The following CDH20 variants were observed in gnomAD, a reference collection of about 807,000 sequenced individuals.
CDH20 encodes the protein cadherin 20, also known as cadherin-20.
Under a neutral mutation model 74.2 loss-of-function variants are expected in CDH20, and 29 were observed. The ratio of observed to expected loss-of-function variants is 0.39; its 90% CI spans 0.29 to 0.53. The LOEUF is 0.53. Among genes scored for constraint, CDH20 ranks in the 20% least tolerant of loss-of-function variants. The pLI, the probability that CDH20 is intolerant of heterozygous loss-of-function variation, is 0.69. For missense variants in CDH20, 988 were observed against 1,048.3 expected, an observed-to-expected ratio of 0.94 and a Z score of 0.79; for synonymous variants, 469 against 405.4, an observed-to-expected ratio of 1.16 and a Z score of -1.88.
chr18:61,418,006 C>A lies in CDH20; in HGVS notation c.-152-72396C>A, dbSNP rs181157919. ...TGTCCTGATTTTCTTAAAAATATGT[C>A]AAATTGACTTGAAATAATCATAATA... On this transcript the variant is annotated intron_variant, in intron 1 of 11. Coordinates refer to ENST00000262717, the MANE Select transcript of CDH20 (RefSeq NM_031891.4). 2.6e-5 allele frequency among the ~76,000 whole-genome samples: 4 copies of A among 152,062 alleles called. No individual in the cohort carries two copies. In the East Asian group the frequency reaches 7.7e-4, roughly 29 times the overall value.
chr18:61,552,531 T>C lies in CDH20; in HGVS notation c.1901-1659T>C, dbSNP rs563459357. 2.0e-5 allele frequency among the ~76,000 whole-genome samples: 3 copies of C among 152,324 alleles called. No individual in the cohort carries two copies. In the East Asian group the frequency reaches 5.8e-4, roughly 29 times the overall value. On this transcript the variant is annotated intron_variant, in intron 11 of 11. Transcript: ENST00000262717. ...TCAAAAGACTTCCAATTTTGCTTCC[T>C]AGCGTTATCCAAAATACCGCCCCTA...
chr18:61,554,195 G>C lies in CDH20; in HGVS notation c.1906G>C (p.Val636Leu), dbSNP rs1358140746. ...CTCCTTTTTGTTCCTGGCAGTGCTG[G>C]TGTTGCTCATTTTGTCCATGAGGCG... is the stretch of plus-strand genomic sequence containing the variant. The part of the protein sequence containing the change: ...LACIFVLLVL[V>L]LLILSMRRHR... Residue 636 changes from valine to leucine, a missense_variant, in exon 12 of 12, where the codon GTG becomes CTG. By Grantham distance (32) the Val-to-Leu change is conservative. Transcript: ENST00000262717. The C allele has an allele frequency of 6.2e-7, 1 of 1,609,344 alleles. No individual in the cohort carries two copies. Among genetic ancestry groups the C allele is most frequent in the Non-Finnish European group, 8.5e-7 (1 of 1,176,360 alleles).
intron 1 of CDH20, among the ~76,000 whole-genome samples, chr18:61,446,630 G>C (rs766481510): frequency 6.6e-6 from 1 of 151,952 alleles, no homozygotes; most frequent in African/African-American, 2.4e-5. Context: ...AGATTAGGAG[G>C]TTCTTCTAAT....
In CDH20 at chr18:61,507,565, T is replaced by A; in HGVS notation, c.1017+5T>A. On this transcript the variant is annotated splice_donor_5th_base_variant and intron_variant, in intron 6 of 11. Transcript: ENST00000262717. ...GGTATCATAACTGTGAAGAAGGTAA[T>A]CCAACTCCTTTTTCTAAACCACTTT... 1 of 1,595,070 alleles carries A rather than the reference T, an allele frequency of 6.3e-7. No individual in the cohort carries two copies. The highest frequency in any genetic ancestry group is 8.6e-7 in the Non-Finnish European group (1 of 1,169,460).
chr18:61,498,137 C>T (rs1420519181), intron 2 of CDH20, among the ~76,000 whole-genome samples: 1 of 152,148 alleles, frequency 6.6e-6, no homozygotes, highest in African/African-American at 2.4e-5. Context: ...TGGTGACTCA[C>T]ACCTATAATC....
intron 1 of CDH20, among the ~76,000 whole-genome samples, chr18:61,378,960 T>C (rs1393001002): frequency 6.6e-6 from 1 of 152,070 alleles, no homozygotes; most frequent in African/African-American, 2.4e-5. Context: ...ATAAATTAAA[T>C]GGTGGCCTTT....
intron 1 of CDH20, among the ~76,000 whole-genome samples, chr18:61,339,197 C>T (rs757937503): frequency 9.2e-5 from 14 of 151,628 alleles, no homozygotes; most frequent in Non-Finnish European, 1.8e-4. Context: ...CTTAAATGTG[C>T]GTATGCATAT....
rs1007184086 is a variant in CDH20, at chr18:61,555,407, G to A, written c.*712G>A. 88 of 985,326 alleles carry A rather than the reference G, an allele frequency of 8.9e-5. No individual in the cohort carries two copies. Among genetic ancestry groups the A allele is most frequent in the Non-Finnish European group, 1.0e-4 (85 of 829,960 alleles). 61.0% of individuals were successfully genotyped at this position (985,326 alleles called of 1,614,324 possible). ...GTTAGAGTGCTCGTGTCTCCTCTCA[G>A]CTATTTAACTGTGCCCCTGCAAAAT... is the stretch of plus-strand genomic sequence containing the variant. On this transcript the variant is annotated 3_prime_UTR_variant, in exon 12 of 12. Coordinates refer to ENST00000262717, the MANE Select transcript of CDH20 (RefSeq NM_031891.4).
At chr18:61,507,673 G>T in intron 6 of CDH20, 113 bp downstream of exon 6, 1 of 654,282 alleles carries the variant, frequency 1.5e-6, no homozygotes, top group African/African-American at 1.9e-5. Context: ...TCTGATAAAA[G>T]TGCTTTCCTA....
intron 1 of CDH20, among the ~76,000 whole-genome samples, chr18:61,428,839 T>C (rs7240300): frequency 0.99 from 150,829 of 152,358 alleles, 74,669 homozygotes; most frequent in Middle Eastern, 1. Context: ...AAAACAGGCC[T>C]ATAAGGGGCC....
At chr18:61,525,723 T>C (rs1912373529) in intron 6 of CDH20, among the ~76,000 whole-genome samples, 1 of 152,128 alleles carries the variant, frequency 6.6e-6, no homozygotes, top group Non-Finnish European at 1.5e-5. Flanking sequence ...AAAAAAAACT[T>C]TATTAAAATT....
chr18:61,485,738 T>TA (rs911094170), intron 1 of CDH20, among the ~76,000 whole-genome samples: 1 of 152,150 alleles, frequency 6.6e-6, no homozygotes, highest in African/African-American at 2.4e-5. Flanking sequence ...GTCATAGTGC[T>TA]ATTCCACCTC....
intron 1 of CDH20, among the ~76,000 whole-genome samples, chr18:61,355,645 C>T (rs577969215): frequency 7.2e-5 from 11 of 152,216 alleles, no homozygotes; most frequent in Middle Eastern, 3.4e-3. Flanking sequence ...CCATAAAACA[C>T]GGGCTCTGAT....
At chr18:61,493,770 C>G (rs920782854) in intron 2 of CDH20, among the ~76,000 whole-genome samples, 1 of 152,208 alleles carries the variant, frequency 6.6e-6, no homozygotes, top group Non-Finnish European at 1.5e-5. Flanking sequence ...AACATTTCTT[C>G]CAAATAGACA....
chr18:61,509,787 A>T (rs1206504070), intron 6 of CDH20, among the ~76,000 whole-genome samples: 1 of 152,126 alleles, frequency 6.6e-6, no homozygotes, highest in East Asian at 1.9e-4. Flanking sequence ...CAGGTAAGAG[A>T]TGATGAGGGT....
chr18:61,345,619 G>A (rs182683793), intron 1 of CDH20, among the ~76,000 whole-genome samples: 50 of 152,278 alleles, frequency 3.3e-4, no homozygotes, highest in African/African-American at 1.2e-3. Flanking sequence ...ATGGAGATTA[G>A]CACATCGATG....
rs570782274 is a variant in CDH20 at position 61,408,121 on chromosome 18, C to T, written c.-153+74294C>T. 2.0e-5 allele frequency among the ~76,000 whole-genome samples: 3 copies of T among 151,388 alleles called. No homozygotes were observed. In the East Asian group the frequency reaches 5.8e-4, roughly 29 times the overall value. The stretch of plus-strand genomic sequence containing the variant: ...TTTAAAAGCGAAAGAGCTTTAAAAG[C>T]ATTTTAAAATATCATTTATGATACT... On this transcript the variant is annotated intron_variant, in intron 1 of 11. Coordinates refer to ENST00000262717, the MANE Select transcript of CDH20 (RefSeq NM_031891.4).
At chr18:61,446,361 T>C (rs1909204552) in intron 1 of CDH20, among the ~76,000 whole-genome samples, 1 of 152,106 alleles carries the variant, frequency 6.6e-6, no homozygotes, top group African/African-American at 2.4e-5. Flanking sequence ...GAGCTCTCCT[T>C]CTTTAACTGT....
chr18:61,348,955 T>A (rs1910220624), intron 1 of CDH20, among the ~76,000 whole-genome samples: 1 of 152,226 alleles, frequency 6.6e-6, no homozygotes, highest in African/African-American at 2.4e-5. Flanking sequence ...TAGCTAGATT[T>A]TGTTTTTACT....
Sources: gnomAD v4.1 joint callset for allele counts (sites outside exome capture counted in the v4.1 genomes callset) on GRCh38, gnomAD v4.1.1 for gene constraint, MANE v1.5 for transcripts, NCBI Gene and HGNC (gene_info 2026-07-23, HGNC 2026-07-21) for gene names.